The following CSGALNACT1 variants were observed in gnomAD, a reference collection of about 807,000 sequenced individuals.
The protein encoded by CSGALNACT1 is chondroitin sulfate N-acetylgalactosaminyltransferase 1, also known as beta4GalNAcT-1.
Under a neutral mutation model 51.0 loss-of-function variants are expected in CSGALNACT1, and 52 were observed. The observed-to-expected ratio is 1.02, with a 90% CI of 0.82 to 1.29. The LOEUF (loss-of-function observed/expected upper bound fraction) is 1.29, where lower values mean the gene tolerates loss of function less well. Among genes scored for constraint, CSGALNACT1 ranks in the 50% most tolerant of loss-of-function variants. The pLI is 0.00. For missense variants in CSGALNACT1, 935 were observed against 679.2 expected, an observed-to-expected ratio of 1.38 and a Z score of -4.19; for synonymous variants, 341 against 254.4, an observed-to-expected ratio of 1.34 and a Z score of -3.24.
At chr8:19,657,732 C>G (rs1263626468) in intron 1 of CSGALNACT1, among the ~76,000 whole-genome samples, 1 of 152,110 alleles carries the variant, frequency 6.6e-6, no homozygotes, top group African/African-American at 2.4e-5. Flanking sequence ...TTGTAAGACC[C>G]TGGGGCAAAA....
At chr8:19,612,605 G>C (rs1208590399) in intron 1 of CSGALNACT1, among the ~76,000 whole-genome samples, 1 of 152,054 alleles carries the variant, frequency 6.6e-6, no homozygotes, top group African/African-American at 2.4e-5. Context: ...GCACGCAAGA[G>C]TTAATTTGGG....
chr8:19,552,889 A>G (rs1271988567), intron 3 of CSGALNACT1, among the ~76,000 whole-genome samples: 1 of 152,190 alleles, frequency 6.6e-6, no homozygotes, highest in African/African-American at 2.4e-5. Context: ...AAACGTACTA[A>G]GAACAGGAGA....
chr8:19,596,668 TA>T (rs2048973867), intron 2 of CSGALNACT1, among the ~76,000 whole-genome samples: 2 of 151,124 alleles, frequency 1.3e-5, no homozygotes, highest in South Asian at 4.2e-4. Flanking sequence ...TTTTCATACA[TA>T]ACACATTTTG....
intron 1 of CSGALNACT1, among the ~76,000 whole-genome samples, chr8:19,648,935 G>T (rs547614543): frequency 6.6e-6 from 1 of 152,280 alleles, no homozygotes; most frequent in East Asian, 1.9e-4. Flanking sequence ...TAATAAATCA[G>T]ACTCTACAGT....
At chr8:19,630,360 ACAG>A (rs957538419) in intron 1 of CSGALNACT1, among the ~76,000 whole-genome samples, 1 of 152,162 alleles carries the variant, frequency 6.6e-6, no homozygotes, top group Admixed American at 6.5e-5. Flanking sequence ...TTTTAGACTT[ACAG>A]GAGAAGTGAG....
At chr8:19,516,574 C>T (rs2079561837) in intron 3 of CSGALNACT1, among the ~76,000 whole-genome samples, 1 of 152,212 alleles carries the variant, frequency 6.6e-6, no homozygotes, top group Non-Finnish European at 1.5e-5. Context: ...CTCTCAACAG[C>T]TAGGCAAACT....
At chr8:19,545,892 T>A (rs1470901415) in intron 3 of CSGALNACT1, among the ~76,000 whole-genome samples, 2 of 149,188 alleles carry the variant, frequency 1.3e-5, no homozygotes, top group African/African-American at 2.4e-5. Flanking sequence ...TATATGTGTA[T>A]ACATATATAA....
intron 4 of CSGALNACT1, among the ~76,000 whole-genome samples, chr8:19,504,824 A>G (rs1200389562): frequency 6.6e-6 from 1 of 152,160 alleles, no homozygotes; most frequent in East Asian, 1.9e-4. Flanking sequence ...AAGTGCAATA[A>G]TATGTGCGTG....
chr8:19,405,697 T>C, exon 10 of CSGALNACT1: 1 of 1,557,038 alleles, frequency 6.4e-7, no homozygotes, highest in Non-Finnish European at 8.8e-7. Flanking sequence ...TCGTCCTTTA[T>C]GGAAGTCTTT....
chr8:19,408,978 A>ACACACACACACACAC (rs57424251), intron 8 of CSGALNACT1, among the ~76,000 whole-genome samples: 1 of 150,890 alleles, frequency 6.6e-6, no homozygotes, highest in South Asian at 2.1e-4. Context: ...ACACACACAC[A>ACACACACACACACAC]ATCAAAAACA....
chr8:19,602,476 G>A (rs532764627), exon 1 of CSGALNACT1: 4 of 152,772 alleles, frequency 2.6e-5, no homozygotes, highest in East Asian at 3.8e-4. Context: ...CAACGCCGCT[G>A]GTGAGGACCG....
chr8:19,613,804 T>C (rs2052628959), intron 1 of CSGALNACT1, among the ~76,000 whole-genome samples: 1 of 152,236 alleles, frequency 6.6e-6, no homozygotes, highest in Non-Finnish European at 1.5e-5. Flanking sequence ...CGTAGCTTTT[T>C]CTTCATATTC....
At chr8:19,706,598 G>A (rs546349875) in intron 1 of CSGALNACT1, among the ~76,000 whole-genome samples, 1 of 152,264 alleles carries the variant, frequency 6.6e-6, no homozygotes, top group South Asian at 2.1e-4. Context: ...TCATTTTAAT[G>A]GGGAACAAGT....
chr8:19,644,682 C>G (rs1424670086), intron 1 of CSGALNACT1, among the ~76,000 whole-genome samples: 1 of 139,506 alleles, frequency 7.2e-6, no homozygotes. Context: ...TGCACTCCAG[C>G]CTGGGTAACA....
chr8:19,578,940 C>T (rs151327563), intron 3 of CSGALNACT1, among the ~76,000 whole-genome samples: 9 of 152,124 alleles, frequency 5.9e-5, no homozygotes, highest in Non-Finnish European at 1.2e-4. Context: ...ACGTTGACCA[C>T]GCTGGTCTCA....
chr8:19,500,018 T>A (rs1300159511), intron 4 of CSGALNACT1, among the ~76,000 whole-genome samples: 1 of 152,204 alleles, frequency 6.6e-6, no homozygotes, highest in Non-Finnish European at 1.5e-5. Context: ...ATCTCAAATT[T>A]TGGAATGAAA....
At chr8:19,530,026 C>G (rs948697389) in intron 3 of CSGALNACT1, among the ~76,000 whole-genome samples, 1 of 151,952 alleles carries the variant, frequency 6.6e-6, no homozygotes, top group Non-Finnish European at 1.5e-5. Context: ...TGGAGTCCAG[C>G]CTGGTCAACA....
At chr8:19,467,484 C>T (rs2066980906) in intron 4 of CSGALNACT1, among the ~76,000 whole-genome samples, 1 of 152,078 alleles carries the variant, frequency 6.6e-6, no homozygotes, top group Non-Finnish European at 1.5e-5. Flanking sequence ...CAATGTATTT[C>T]TCACCTCATG....
chr8:19,709,651 C>T (rs2062381981), intron 1 of CSGALNACT1, among the ~76,000 whole-genome samples: 2 of 152,154 alleles, frequency 1.3e-5, no homozygotes, highest in African/African-American at 4.8e-5. Context: ...TGTTGCTTTC[C>T]AAGTGGTGCT....
Sources: allele counts gnomAD v4.1 joint callset (sites outside exome capture counted in the v4.1 genomes callset), GRCh38; gene constraint gnomAD v4.1.1; transcripts MANE v1.5; gene names NCBI Gene and HGNC (gene_info 2026-07-23, HGNC 2026-07-21).